UNC5D: variants seen among roughly 807,000 people sequenced by gnomAD.
The protein encoded by UNC5D is unc-5 netrin receptor D.
Under a neutral mutation model 105.4 loss-of-function variants are expected in UNC5D, and 39 were observed. The observed-to-expected ratio is 0.37, with a 90% CI of 0.29 to 0.48. The LOEUF is 0.48. Ranked by LOEUF, UNC5D falls within the 20% of genes least tolerant of loss-of-function variation. UNC5D has a pLI of 0.98. For synonymous variants in UNC5D, 452 were observed against 450.4 expected, an observed-to-expected ratio of 1.00 and a Z score of -0.04; for missense variants, 991 against 1,202.4, an observed-to-expected ratio of 0.82 and a Z score of 2.60.
At chr8:35,704,590 A>T (rs957640121) in intron 7 of UNC5D, among the ~76,000 whole-genome samples, 1 of 152,184 alleles carries the variant, frequency 6.6e-6, no homozygotes. Flanking sequence ...TCTGTGAATG[A>T]TTATCAACAG....
chr8:35,533,420 G>C (rs1414868759), intron 1 of UNC5D, among the ~76,000 whole-genome samples: 1 of 152,070 alleles, frequency 6.6e-6, no homozygotes, highest in Non-Finnish European at 1.5e-5. Flanking sequence ...ATCTCCAGCT[G>C]CGTGCTGGGA....
intron 1 of UNC5D, among the ~76,000 whole-genome samples, chr8:35,275,295 A>C (rs190846409): frequency 6.6e-6 from 1 of 152,054 alleles, no homozygotes; most frequent in Non-Finnish European, 1.5e-5. Context: ...TGGGTAGAAG[A>C]AATCTAATAT....
chr8:35,652,914 G>GTTT (rs1823510910), intron 4 of UNC5D, among the ~76,000 whole-genome samples: 1 of 102,100 alleles, frequency 9.8e-6, no homozygotes, highest in Non-Finnish European at 1.8e-5. Context: ...TACAAGTGAG[G>GTTT]ATTTTTTTTT....
chr8:35,301,800 G>A (rs544779574), intron 1 of UNC5D, among the ~76,000 whole-genome samples: 60 of 152,232 alleles, frequency 3.9e-4, no homozygotes, highest in African/African-American at 1.4e-3. Flanking sequence ...ATAGAAGAAT[G>A]GGGAGAGGGA....
intron 11 of UNC5D, among the ~76,000 whole-genome samples, chr8:35,735,687 G>A (rs1284056332): frequency 6.6e-6 from 1 of 152,228 alleles, no homozygotes; most frequent in Non-Finnish European, 1.5e-5. Context: ...AAATAGAGAA[G>A]AAAGGATAGA....
intron 4 of UNC5D, among the ~76,000 whole-genome samples, chr8:35,623,228 T>C (rs1821468722): frequency 6.6e-6 from 1 of 152,132 alleles, no homozygotes; most frequent in South Asian, 2.1e-4. Flanking sequence ...ATACCAAGCC[T>C]GGGGAGGACT....
intron 1 of UNC5D, among the ~76,000 whole-genome samples, chr8:35,433,146 G>A (rs941215903): frequency 6.6e-6 from 1 of 152,168 alleles, no homozygotes; most frequent in Non-Finnish European, 1.5e-5. Context: ...GAAGACTTGT[G>A]TGATGAATTT....
intron 8 of UNC5D, among the ~76,000 whole-genome samples, chr8:35,716,964 T>A (rs1213784893): frequency 6.6e-6 from 1 of 152,270 alleles, no homozygotes; most frequent in Non-Finnish European, 1.5e-5. Flanking sequence ...CACCACCTCC[T>A]GTGCTGAGGG....
intron 1 of UNC5D, among the ~76,000 whole-genome samples, chr8:35,541,946 T>G (rs1815305797): frequency 6.6e-6 from 1 of 151,964 alleles, no homozygotes; most frequent in Non-Finnish European, 1.5e-5. Flanking sequence ...TTTAAGGAAC[T>G]AAGAATGGCT....
intron 1 of UNC5D, among the ~76,000 whole-genome samples, chr8:35,478,401 G>GA (rs1245051637): frequency 6.6e-6 from 1 of 152,072 alleles, no homozygotes; most frequent in Non-Finnish European, 1.5e-5. Context: ...GCAGCTTATA[G>GA]AAAAAATGAC....
At chr8:35,750,208 GC>G (rs998092856) in intron 12 of UNC5D, among the ~76,000 whole-genome samples, 2 of 151,670 alleles carry the variant, frequency 1.3e-5, no homozygotes, top group African/African-American at 4.8e-5. Context: ...ATGGATCTCC[GC>G]CTACTGCAAT....
intron 1 of UNC5D, among the ~76,000 whole-genome samples, chr8:35,284,728 A>G (rs1806462154): frequency 6.6e-6 from 1 of 151,374 alleles, no homozygotes; most frequent in Non-Finnish European, 1.5e-5. Flanking sequence ...CTAATTTTTT[A>G]TTTTTTTGTA....
intron 4 of UNC5D, among the ~76,000 whole-genome samples, chr8:35,607,916 G>A (rs922470075): frequency 6.6e-6 from 1 of 152,184 alleles, no homozygotes; most frequent in Admixed American, 6.5e-5. Context: ...ACGTCACTCA[G>A]TCTCTTCCTC....
chr8:35,263,680 T>C (rs1585441388), intron 1 of UNC5D, among the ~76,000 whole-genome samples: 1 of 152,390 alleles, frequency 6.6e-6, no homozygotes, highest in East Asian at 1.9e-4. Flanking sequence ...ATTTGAATAG[T>C]AAGCCTTCAT....
intron 1 of UNC5D, among the ~76,000 whole-genome samples, chr8:35,390,588 T>C (rs1395064142): frequency 6.6e-6 from 1 of 152,092 alleles, no homozygotes; most frequent in African/African-American, 2.4e-5. Flanking sequence ...TCCAAAAAAG[T>C]AAAATTGATC....
intron 1 of UNC5D, among the ~76,000 whole-genome samples, chr8:35,384,198 G>A (rs1474078282): frequency 6.7e-6 from 1 of 148,198 alleles, no homozygotes; most frequent in Non-Finnish European, 1.5e-5. Context: ...CAGCCTGGGT[G>A]ACAGAGCAAG....
At chr8:35,760,904 A>G (rs1801499476) in intron 14 of UNC5D, among the ~76,000 whole-genome samples, 1 of 152,094 alleles carries the variant, frequency 6.6e-6, no homozygotes, top group Non-Finnish European at 1.5e-5. Context: ...TCCAACTTCT[A>G]AAATTCAGGA....
At chr8:35,524,602 G>A (rs1813715348) in intron 1 of UNC5D, among the ~76,000 whole-genome samples, 1 of 87,318 alleles carries the variant, frequency 1.1e-5, no homozygotes, top group African/African-American at 4.4e-5. Context: ...TATATTTAAA[G>A]TTAAGAAAAA....
chr8:35,276,408 C>T (rs1805780243), intron 1 of UNC5D, among the ~76,000 whole-genome samples: 2 of 152,094 alleles, frequency 1.3e-5, no homozygotes, highest in South Asian at 4.1e-4. Context: ...GCGTAGACAA[C>T]GGATGTCAAG....
Sources: gnomAD v4.1 joint callset for allele counts (sites outside exome capture counted in the v4.1 genomes callset) on GRCh38, gnomAD v4.1.1 for gene constraint, MANE v1.5 for transcripts, NCBI Gene and HGNC (gene_info 2026-07-23, HGNC 2026-07-21) for gene names.